Variants in PRKAR1A observed in about 807,000 individuals in gnomAD.
The protein encoded by PRKAR1A is cAMP-dependent protein kinase type I-alpha regulatory subunit.
In PRKAR1A, 3 loss-of-function variants were observed where a neutral mutation model predicts 52.0. The ratio of observed to expected loss-of-function variants is 0.06; its 90% CI spans 0.03 to 0.15. The LOEUF is 0.15. PRKAR1A is among the 10% of genes least tolerant of loss of function. The probability of loss-of-function intolerance (pLI) is 1.00; values close to 1 mark genes in which losing one functional copy is unlikely to be tolerated. For missense variants in PRKAR1A, 240 were observed against 477.4 expected, an observed-to-expected ratio of 0.50 and a Z score of 4.63; for synonymous variants, 188 against 168.4, an observed-to-expected ratio of 1.12 and a Z score of -0.90.
rs368633609 is a variant in PRKAR1A at position 68,530,495 on chromosome 17, T to A, written c.*46T>A. The A allele has an allele frequency of 3.7e-6, 6 of 1,613,744 alleles. No homozygotes were observed. The highest frequency in any genetic ancestry group is 5.1e-6 in the Non-Finnish European group (6 of 1,179,886). Reference sequence around the variant, plus strand: ...CTTTTCTCCTCTCCCCAATCCATGCTTCACTCATGCAAACTGCTTTATTTT... The same window carrying A: ...CTTTTCTCCTCTCCCCAATCCATGCATCACTCATGCAAACTGCTTTATTTT... On this transcript the variant is annotated 3_prime_UTR_variant, in exon 11 of 11. Transcript: ENST00000589228.
chr17:68,435,995 G>A, the PRKAR1A span, among the ~76,000 whole-genome samples: 6 of 152,378 alleles, frequency 3.9e-5, no homozygotes, highest in East Asian at 3.9e-4. Flanking sequence ...CGCCCTGCAC[G>A]CATCTTTAGG....
chr17:68,543,498 G>A (rs2086404909), intron 11 of PRKAR1A: 2 of 773,322 alleles, frequency 2.6e-6, no homozygotes, highest in East Asian at 2.5e-5. Context: ...ACACCACGAT[G>A]AGGCACGAAG....
chr17:68,531,390 T>C lies in PRKAR1A; in HGVS notation c.*941T>C. 1 of 1,065,792 alleles carries C rather than the reference T, an allele frequency of 9.4e-7. No homozygotes were observed. The allele number at this position is 1,065,792 out of a possible 1,614,324, so 66.0% of individuals were successfully genotyped here. A position where few individuals can be genotyped will look rare whatever the true frequency, so the allele number is the denominator to read the frequency against. On this transcript the variant is annotated 3_prime_UTR_variant, in exon 11 of 11. Transcript: ENST00000589228. ...TGCTCATTAAACTGATTCCAGGAGATTGGATTTGCTGTGACTAGATACAGA... is the reference window on the plus strand; with the variant it reads ...TGCTCATTAAACTGATTCCAGGAGACTGGATTTGCTGTGACTAGATACAGA...
exon 12 of PRKAR1A, chr17:68,551,119 G>A (rs1221566437): frequency 7.3e-6 from 9 of 1,234,200 alleles, no homozygotes. Context: ...CATTCCCCTG[G>A]GCTAAGGCAC....
At chr17:68,414,125 T>C in the PRKAR1A span, 169 of 154,842 alleles carry the variant, frequency 1.1e-3, 4 homozygotes, top group East Asian at 0.022. Context: ...CCTATTCGGC[T>C]ATCTTGGCTC....
At chr17:68,503,908 T>C in the PRKAR1A span, among the ~76,000 whole-genome samples, 1 of 152,206 alleles carries the variant, frequency 6.6e-6, no homozygotes, top group Non-Finnish European at 1.5e-5. Flanking sequence ...GGCAAGGATG[T>C]GCAGAAAAGG....
the PRKAR1A span, among the ~76,000 whole-genome samples, chr17:68,491,001 C>T: frequency 6.6e-6 from 1 of 152,132 alleles, no homozygotes; most frequent in Non-Finnish European, 1.5e-5. Flanking sequence ...TCCTATGGGT[C>T]TCCTGTGCCT....
chr17:68,522,836 ACCCAAC>A lies in PRKAR1A; in HGVS notation c.261_266del (p.Asn88_Pro89del). On this transcript the variant is annotated inframe_deletion, in exon 3 of 11. Transcript: ENST00000589228. ...GGGAGGATGAGATTTCTCCTCCTCC[ACCCAAC>A]CCAGTGGTTAAAGGTAGGAGGCGAC... The A allele has an allele frequency of 6.2e-7, 1 of 1,614,052 alleles. No homozygotes were observed. Among genetic ancestry groups the A allele is most frequent in the South Asian group, 1.1e-5 (1 of 91,080 alleles).
At position 68,522,843 on chromosome 17, in the gene PRKAR1A, C is replaced by T. The variant is rs1459684511; in HGVS notation, c.265C>T (p.Pro89Ser). 6.2e-7 allele frequency: 1 copy of T among 1,613,884 alleles called. No homozygotes were observed. Among genetic ancestry groups the T allele is most frequent in the African/African-American group, 1.3e-5 (1 of 74,898 alleles). Residue 89 changes from proline (P) to serine (S), a missense_variant, in exon 3 of 11, where the codon CCA (proline) becomes TCA (serine). Pro to Ser is a moderately conservative substitution (Grantham distance 74). Around this residue, in one of 4 missense-constraint regions of PRKAR1A, gnomAD observed 107 missense variants for 114.6 expected, o/e 0.93. Coordinates refer to ENST00000589228, the MANE Select transcript of PRKAR1A (RefSeq NM_002734.5). ...TGAGATTTCTCCTCCTCCACCCAAC[C>T]CAGTGGTTAAAGGTAGGAGGCGACG... ...EDEISPPPPN[P>S]VVKGRRRRGA... is the part of the protein sequence containing the mutation.
the PRKAR1A span, among the ~76,000 whole-genome samples, chr17:68,487,496 T>C: frequency 5.9e-5 from 9 of 152,338 alleles, no homozygotes; most frequent in South Asian, 2.1e-4. Flanking sequence ...TCATTCATTA[T>C]TGACTTATTG....
the PRKAR1A span, among the ~76,000 whole-genome samples, chr17:68,471,338 T>C: frequency 1.3e-5 from 2 of 152,208 alleles, no homozygotes; most frequent in Non-Finnish European, 2.9e-5. Flanking sequence ...TTAAAATGTA[T>C]ATATGAATAT....
chr17:68,475,575 T>A, the PRKAR1A span, among the ~76,000 whole-genome samples: 1 of 152,240 alleles, frequency 6.6e-6, no homozygotes. Flanking sequence ...GCGATTCTCG[T>A]GCCTCAGCCT....
chr17:68,513,629 A>G (rs1364025396), intron 1 of PRKAR1A, among the ~76,000 whole-genome samples: 2 of 152,216 alleles, frequency 1.3e-5, no homozygotes, highest in Non-Finnish European at 2.9e-5. Context: ...GGGCTTTACA[A>G]ATAAGTACAC....
At chr17:68,510,914 G>A (rs879295935), upstream of PRKAR1A, among the ~76,000 whole-genome samples, 6 of 152,144 alleles carry the variant, frequency 3.9e-5, no homozygotes, top group African/African-American at 7.2e-5. Context: ...GTCGGCCTCC[G>A]AGGGCAGCGC....
At chr17:68,444,426 T>G in the PRKAR1A span, 2 of 1,461,030 alleles carry the variant, frequency 1.4e-6, no homozygotes, top group South Asian at 2.4e-5. Context: ...TGGAGGAAAA[T>G]AAAGCTTGGG....
At chr17:68,445,654 G>A in the PRKAR1A span, among the ~76,000 whole-genome samples, 1 of 152,332 alleles carries the variant, frequency 6.6e-6, no homozygotes, top group South Asian at 2.1e-4. Flanking sequence ...CCCAATGGCT[G>A]TGCTCTCAGC....
At chr17:68,473,810 C>T in the PRKAR1A span, among the ~76,000 whole-genome samples, 4 of 152,116 alleles carry the variant, frequency 2.6e-5, no homozygotes, top group East Asian at 1.9e-4. Flanking sequence ...CGTGAACCAC[C>T]GCATCTGGCC....
chr17:68,530,615 C>T lies in PRKAR1A; in HGVS notation c.*166C>T. ...TTATTGCACCATTTTCAATTTGGAG[C>T]ATTAACTAAATGCTCATACACAGTT... On this transcript the variant is annotated 3_prime_UTR_variant, in exon 11 of 11. Coordinates refer to ENST00000589228, the MANE Select transcript of PRKAR1A (RefSeq NM_002734.5). The T allele has an allele frequency of 6.5e-7, 1 of 1,530,156 alleles. No homozygotes were observed. The highest frequency in any genetic ancestry group is 8.8e-7 in the Non-Finnish European group (1 of 1,140,782). The allele number at this position is 1,530,156 out of a possible 1,614,324, so 94.8% of individuals were successfully genotyped here. A position where few individuals can be genotyped will look rare whatever the true frequency, so the allele number is the denominator to read the frequency against.
At chr17:68,423,890 T>C in the PRKAR1A span, among the ~76,000 whole-genome samples, 2 of 152,242 alleles carry the variant, frequency 1.3e-5, no homozygotes, top group Non-Finnish European at 2.9e-5. This position sits in a 1 kb window ranked among gnomAD's most constrained non-coding sequence, Gnocchi z 4.4. Context: ...ATTAAGAATC[T>C]AATAATATTT....
Sources: gnomAD v4.1 joint callset for allele counts (sites outside exome capture counted in the v4.1 genomes callset) on GRCh38, gnomAD v4.1.1 for gene constraint, gnomAD v4.1.1 regional missense constraint, Gnocchi (gnomAD v3.1) non-coding constraint, MANE v1.5 for transcripts, NCBI Gene and HGNC (gene_info 2026-07-23, HGNC 2026-07-21) for gene names.